CHGB: variants seen among roughly 807,000 people sequenced by gnomAD.
CHGB encodes the protein secretogranin-1.
Under a neutral mutation model 69.9 loss-of-function variants are expected in CHGB, and 46 were observed. The observed-to-expected ratio is 0.66, with a 90% CI of 0.52 to 0.84. CHGB has a LOEUF of 0.84. Ranked by LOEUF, CHGB falls within the 40% of genes least tolerant of loss-of-function variation. CHGB has a pLI of 0.00. For missense variants in CHGB, 796 were observed against 822.2 expected (o/e 0.97, Z 0.39); for synonymous variants, 312 against 298.2 (o/e 1.05, Z -0.48).
chr20:5,924,932 G>A, intron 4 of CHGB, 40 bp from the exon 5 acceptor site: 1 of 1,257,770 alleles, frequency 8.0e-7, no homozygotes, highest in South Asian at 1.2e-5. Context: ...AAAAGAAATT[G>A]GTTCGGGACC....
At chr20:5,916,550 G>C (rs1163660879) in intron 2 of CHGB, among the ~76,000 whole-genome samples, 178 bp downstream of exon 2, 2 of 152,216 alleles carry the variant, frequency 1.3e-5, no homozygotes, top group African/African-American at 2.4e-5. Flanking sequence ...GTCCTGTCAG[G>C]ATGGTTTAGC....
At chr20:5,911,743 C>A in intron 1 of CHGB, 61 bp downstream of exon 1, 19 of 1,339,932 alleles carry the variant, frequency 1.4e-5, no homozygotes, top group South Asian at 1.7e-5. Context: ...TCTTCCCCGC[C>A]GCTCCCGCAG....
chr20:5,918,919 G>A (rs2088496572), intron 3 of CHGB, among the ~76,000 whole-genome samples: 1 of 150,182 alleles, frequency 6.7e-6, no homozygotes, highest in East Asian at 2.0e-4. Context: ...AGCCTTTAGG[G>A]ACCCTAGAAA....
chr20:5,916,267 G>A (rs368509799), intron 1 of CHGB, 59 bp from the exon 2 acceptor site: 2 of 1,353,726 alleles, frequency 1.5e-6, no homozygotes, highest in Non-Finnish European at 2.1e-6. Context: ...TGTCAGTTGG[G>A]GTCACACAGC....
In CHGB at chr20:5,924,234, G is replaced by A. The variant is rs186214292; in HGVS notation, c.1956+134G>A. The A allele has an allele frequency of 1.9e-4, 249 of 1,302,758 alleles. No individual in the cohort carries two copies. The African/African-American group carries it at 3.5e-3, about 19-fold the overall frequency. 80.7% of individuals were successfully genotyped at this position (1,302,758 alleles called of 1,614,324 possible). ...ATGAAAATGGTGCTCTAGTAATGGA[G>A]TGGAGGCCACCTTGGGGGTCGGTTT... On this transcript the variant is annotated intron_variant, in intron 4 of 4. Coordinates refer to ENST00000378961, the MANE Select transcript of CHGB (RefSeq NM_001819.3).
Position 5,923,889 on chromosome 20 carries a change from G to T in CHGB, c.1745G>T (p.Trp582Leu), listed in dbSNP as rs373220265. 2.5e-6 allele frequency: 4 copies of T among 1,614,086 alleles called. No individual in the cohort carries two copies. Among genetic ancestry groups the T allele is most frequent in the African/African-American group, 2.7e-5 (2 of 74,924 alleles). Reference sequence around the variant, plus strand: ...AAGCCCTTCTCTGAGGATGTGAACTGGGGGTATGAGAAGAGAAACCTCGCC... The same window carrying T: ...AAGCCCTTCTCTGAGGATGTGAACTTGGGGTATGAGAAGAGAAACCTCGCC... Reference protein sequence around the residue: ...EKKPFSEDVNWGYEKRNLARV... With the variant: ...EKKPFSEDVNLGYEKRNLARV... The change falls in exon 4 of 5, where the codon TGG becomes TTG. Residue 582 changes from tryptophan to leucine, a missense_variant. This residue lies in a region of CHGB where 274 missense variants were observed against 298.9 expected (regional missense o/e 0.92). Coordinates refer to ENST00000378961, the MANE Select transcript of CHGB (RefSeq NM_001819.3).
At chr20:5,918,672 C>A (rs544301423) in intron 3 of CHGB, among the ~76,000 whole-genome samples, 1 of 150,452 alleles carries the variant, frequency 6.6e-6, no homozygotes, top group Non-Finnish European at 1.5e-5. Context: ...ATTAGCCGGG[C>A]GTGGTGACAC....
rs753320820 is a variant in CHGB, at chr20:5,922,332, T to C, written c.191-3T>C. 26 of 1,525,574 alleles carry C rather than the reference T, an allele frequency of 1.7e-5. 2 individuals carry two copies. In the South Asian group the frequency reaches 3.3e-4, roughly 19 times the overall value. The allele number at this position is 1,525,574 out of a possible 1,614,324, so 94.5% of individuals were successfully genotyped here. A position where few individuals can be genotyped will look rare whatever the true frequency, so the allele number is the denominator to read the frequency against. Reference sequence around the variant, plus strand: ...TTATACCTACTCTTCATTTTCATTATAGGTAGAAAAGACGTCAAAGACAAA... The same window carrying C: ...TTATACCTACTCTTCATTTTCATTACAGGTAGAAAAGACGTCAAAGACAAA... On this transcript the variant is annotated splice_region_variant and splice_polypyrimidine_tract_variant and intron_variant, in intron 3 of 4. Transcript: ENST00000378961.
intron 1 of CHGB, among the ~76,000 whole-genome samples, chr20:5,913,796 A>T (rs902546147): frequency 1.3e-5 from 2 of 151,026 alleles, no homozygotes; most frequent in African/African-American, 4.9e-5. Flanking sequence ...CGCCCAGCTA[A>T]TTTTTTTGTA....
intron 3 of CHGB, among the ~76,000 whole-genome samples, chr20:5,919,768 A>G (rs1025230196): frequency 6.6e-6 from 1 of 152,166 alleles, no homozygotes. Context: ...AGACTGGTGG[A>G]GCTTTTGCCC....
Position 5,911,748 on chromosome 20 carries a change from C to T in CHGB, c.49+66C>T, listed in dbSNP as rs2088448196. On this transcript the variant is annotated intron_variant, in intron 1 of 4. Coordinates refer to ENST00000378961, the MANE Select transcript of CHGB (RefSeq NM_001819.3). ...CCAGCCTCGCTCTTCCCCGCCGCTC[C>T]CGCAGCCAGGCTGGCGGATCCCGGG... is the stretch of plus-strand genomic sequence containing the variant. 7.5e-6 allele frequency: 10 copies of T among 1,332,338 alleles called. No homozygotes were observed. In the Admixed American group the frequency reaches 3.9e-4, roughly 52 times the overall value. 82.5% of individuals were successfully genotyped at this position (1,332,338 alleles called of 1,614,324 possible).
intron 3 of CHGB, among the ~76,000 whole-genome samples, chr20:5,918,869 T>A (rs1463460706): frequency 7.0e-6 from 1 of 141,896 alleles, no homozygotes; most frequent in African/African-American, 2.6e-5. Context: ...TAATTCAATC[T>A]TTGGGGGCTT....
chr20:5,922,368 A>G lies in CHGB; in HGVS notation c.224A>G (p.Glu75Gly), dbSNP rs1188178809. The change falls in exon 4 of 5, where the codon GAA becomes GGA. Residue 75 changes from glutamate to glycine, a missense_variant. Glu to Gly is a moderately conservative substitution (Grantham distance 98). Transcript: ENST00000378961. Reference sequence around the variant, plus strand: ...GACGTCAAAGACAAAGAGACAACTGAAAATGAAAACACAAAGTTTGAAGTA... The same window carrying G: ...GACGTCAAAGACAAAGAGACAACTGGAAATGAAAACACAAAGTTTGAAGTA... ...RKDVKDKETT[E>G]NENTKFEVRL... 1.3e-6 allele frequency: 2 copies of G among 1,565,954 alleles called. No homozygotes were observed. Among genetic ancestry groups the G allele is most frequent in the Admixed American group, 3.8e-5 (2 of 52,752 alleles).
intron 3 of CHGB, among the ~76,000 whole-genome samples, chr20:5,918,449 ACT>A (rs2088492146): frequency 6.6e-6 from 1 of 152,008 alleles, no homozygotes; most frequent in South Asian, 2.1e-4. Context: ...GCCAGACAAG[ACT>A]CTCTTGCTAT....
chr20:5,913,628 C>CTTTT (rs918275521), intron 1 of CHGB, among the ~76,000 whole-genome samples: 25 of 90,434 alleles, frequency 2.8e-4, no homozygotes, highest in East Asian at 3.6e-4. Context: ...CTTTTCTTTT[C>CTTTT]TTTTTTTTTT....
chr20:5,920,342 C>T (rs1393578264), intron 3 of CHGB, among the ~76,000 whole-genome samples: 1 of 152,216 alleles, frequency 6.6e-6, no homozygotes, highest in Non-Finnish European at 1.5e-5. Context: ...CTCAGAATGA[C>T]ATCAGTATCT....
intron 1 of CHGB, among the ~76,000 whole-genome samples, chr20:5,913,490 C>T (rs1394320125): frequency 6.6e-6 from 1 of 152,110 alleles, no homozygotes; most frequent in Non-Finnish European, 1.5e-5. Flanking sequence ...TCCTTAAGAA[C>T]TTCTGAAAGA....
chr20:5,915,881 T>A (rs560647854), intron 1 of CHGB: 1 of 152,780 alleles, frequency 6.5e-6, no homozygotes, highest in Admixed American at 6.5e-5. Context: ...GCCTGGCTAA[T>A]TTTTTGTAGT....
intron 3 of CHGB, chr20:5,917,244 G>A (rs188161512): frequency 6.8e-5 from 18 of 262,904 alleles, no homozygotes; most frequent in African/African-American, 2.6e-4. Flanking sequence ...TTTTAGAACC[G>A]GACTTCCTTT....
Sources: allele counts gnomAD v4.1 joint callset (sites outside exome capture counted in the v4.1 genomes callset), GRCh38; gene constraint gnomAD v4.1.1; regional missense constraint gnomAD v4.1.1; transcripts MANE v1.5; gene names NCBI Gene and HGNC (gene_info 2026-07-23, HGNC 2026-07-21).